C3orf22: variants seen among roughly 807,000 people sequenced by gnomAD.
The protein encoded by C3orf22 is chromosome 3 open reading frame 22.
C3orf22 carries 7 observed loss-of-function variants against 10.8 expected under a neutral mutation model. The ratio of observed to expected loss-of-function variants is 0.65; its 90% CI spans 0.37 to 1.22. The LOEUF (loss-of-function observed/expected upper bound fraction) is 1.22. Among genes scored for constraint, C3orf22 ranks in the 50% most tolerant of loss-of-function variants. The pLI, the probability that C3orf22 is intolerant of heterozygous loss-of-function variation, is 0.02. For missense variants in C3orf22, 173 were observed against 177.0 expected (o/e 0.98, Z 0.13); for synonymous variants, 79 against 78.9 (o/e 1.00, Z 0.00).
intron 2 of C3orf22, among the ~76,000 whole-genome samples, chr3:126,553,078 G>C (rs970340338): frequency 6.6e-6 from 1 of 152,212 alleles, no homozygotes; most frequent in African/African-American, 2.4e-5. Flanking sequence ...GCTCTGGGAT[G>C]ACCCAGGGAG....
intron 4 of C3orf22, chr3:126,542,779 C>A: frequency 2.9e-6 from 2 of 687,894 alleles, no homozygotes; most frequent in Non-Finnish European, 2.1e-6. Context: ...CGTGTGCCTG[C>A]CTCGGCCTGT....
intron 4 of C3orf22, among the ~76,000 whole-genome samples, chr3:126,541,547 C>A (rs951008386): frequency 2.6e-5 from 4 of 152,208 alleles, no homozygotes; most frequent in African/African-American, 9.6e-5. Context: ...TCCCAAATCT[C>A]GGCCCAGGAC....
downstream of C3orf22, among the ~76,000 whole-genome samples, chr3:126,544,979 T>G (rs1937042421): frequency 6.6e-6 from 1 of 152,248 alleles, no homozygotes; most frequent in South Asian, 2.1e-4. Flanking sequence ...GAACTCCACC[T>G]GCTCTGGCCT....
chr3:126,552,264 G>T, intron 2 of C3orf22, 142 bp from the exon 3 acceptor site: 1 of 1,330,008 alleles, frequency 7.5e-7, no homozygotes, highest in Non-Finnish European at 1.0e-6. Context: ...TGACAAGCAT[G>T]CTGTGAGGCA....
intron 1 of C3orf22, among the ~76,000 whole-genome samples, chr3:126,553,857 T>C (rs1295776635): frequency 6.6e-6 from 1 of 152,218 alleles, no homozygotes; most frequent in Non-Finnish European, 1.5e-5. Flanking sequence ...CTCCTGCTGC[T>C]GAGCACTGTT....
downstream of C3orf22, among the ~76,000 whole-genome samples, chr3:126,546,896 TC>T (rs1937078518): frequency 6.6e-6 from 1 of 152,220 alleles, no homozygotes; most frequent in Admixed American, 6.5e-5. Flanking sequence ...CAGAGCTGGT[TC>T]TGCGGGACTG....
intron 4 of C3orf22, among the ~76,000 whole-genome samples, chr3:126,531,856 A>G (rs532774046): frequency 6.6e-6 from 1 of 152,332 alleles, no homozygotes; most frequent in South Asian, 2.1e-4. Context: ...TGGTAATTCT[A>G]AGCTTAGCTT....
chr3:126,551,540 G>C (rs545140728), intron 3 of C3orf22, among the ~76,000 whole-genome samples: 2 of 152,320 alleles, frequency 1.3e-5, no homozygotes, highest in South Asian at 2.1e-4. Flanking sequence ...GGTGACAAGG[G>C]GGCATGAGAG....
chr3:126,529,737 G>T (rs899340498), intron 4 of C3orf22, among the ~76,000 whole-genome samples: 3 of 151,956 alleles, frequency 2.0e-5, no homozygotes, highest in African/African-American at 7.3e-5. Flanking sequence ...ATTGTTTTTG[G>T]CACTCCTCCC....
At chr3:126,556,633 G>C (rs1418619762) in intron 1 of C3orf22, among the ~76,000 whole-genome samples, 1 of 133,972 alleles carries the variant, frequency 7.5e-6, no homozygotes, top group Non-Finnish European at 1.6e-5. Flanking sequence ...TCGCCTCACT[G>C]ACTGCCGTTC....
chr3:126,549,260 C>G (rs11713344), downstream of C3orf22, among the ~76,000 whole-genome samples: 4 of 144,742 alleles, frequency 2.8e-5, no homozygotes, highest in African/African-American at 8.2e-5. Flanking sequence ...CGCCCCCCCC[C>G]CCACACACAC....
At chr3:126,534,422 C>T (rs2107566008) in intron 4 of C3orf22, among the ~76,000 whole-genome samples, 1 of 152,250 alleles carries the variant, frequency 6.6e-6, no homozygotes, top group South Asian at 2.1e-4. Flanking sequence ...GCATCCCTGT[C>T]CTCATCTGGG....
rs1216439297 is a variant in C3orf22 at position 126,553,380 on chromosome 3, C to A, written c.11G>T (p.Ser4Ile). 23 of 1,611,972 alleles carry A rather than the reference C, an allele frequency of 1.4e-5. No homozygotes were observed. Among genetic ancestry groups the A allele is most frequent in the Non-Finnish European group, 1.7e-5 (20 of 1,178,836 alleles). Residue 4 changes from serine to isoleucine, a missense_variant, in exon 2 of 4, where the codon AGT (serine) becomes ATT (isoleucine). By Grantham distance (142) the Ser-to-Ile change is moderately radical (BLOSUM62 -2). Transcript: ENST00000318225. MDS[S>I]ACKKSHQSKK... ...ACTCTGGTGAGACTTCTTGCAGGCA[C>A]TGGAGTCCATCACTGAGTGGGTTAA...
chr3:126,542,452 C>T (rs1327969367), intron 4 of C3orf22: 2 of 1,567,646 alleles, frequency 1.3e-6, no homozygotes, highest in African/African-American at 1.4e-5. Context: ...CCGCCGCCTC[C>T]CGCGACCTGG....
intron 4 of C3orf22, chr3:126,542,296 G>T: frequency 6.4e-7 from 1 of 1,564,466 alleles, no homozygotes; most frequent in African/African-American, 1.4e-5. Context: ...AGCACTGGGA[G>T]CGCGCGCACG....
At chr3:126,540,136 C>T (rs1051660264) in intron 4 of C3orf22, among the ~76,000 whole-genome samples, 1 of 151,958 alleles carries the variant, frequency 6.6e-6, no homozygotes, top group Non-Finnish European at 1.5e-5. Flanking sequence ...GGCGTCAGAC[C>T]CTCCCAAGCA....
Position 126,549,909 on chromosome 3 carries a change from G to A in C3orf22, c.385C>T (p.Gln129Ter). 1 of 1,614,036 alleles carries A rather than the reference G, an allele frequency of 6.2e-7. No homozygotes were observed. Among genetic ancestry groups the A allele is most frequent in the Non-Finnish European group, 8.5e-7 (1 of 1,180,012 alleles). ...GACAGCCCTGCCGCCTTGCTGGTCTGGGGGCAGGCAGCCTCAGTGTGCCGG... is the reference window on the plus strand; with the variant it reads ...GACAGCCCTGCCGCCTTGCTGGTCTAGGGGCAGGCAGCCTCAGTGTGCCGG... ...STRHTEAACP[Q>*]TSKAAGLSRG... The change falls in exon 4 of 4, where the codon CAG becomes TAG. Residue 129 changes from glutamine to a stop codon, truncating the protein, a stop_gained. Transcript: ENST00000318225. LOFTEE classifies it low-confidence loss of function (END_TRUNC).
At chr3:126,531,203 AC>A (rs904394091) in intron 4 of C3orf22, among the ~76,000 whole-genome samples, 1 of 152,054 alleles carries the variant, frequency 6.6e-6, no homozygotes, top group Non-Finnish European at 1.5e-5. Context: ...CTTGGGCCCC[AC>A]CCCCCAACCT....
rs1345916340 is a variant in C3orf22, at chr3:126,553,291, G to A, written c.89+11C>T. On this transcript the variant is annotated intron_variant, in intron 2 of 3. Transcript: ENST00000318225. ...GCAGGGCTTGTCTCCAGAGGTGTCA[G>A]CCTCCCGCACCTGTACGGAAACTTC... 6.2e-7 allele frequency: 1 copy of A among 1,600,622 alleles called. No homozygotes were observed. The highest frequency in any genetic ancestry group is 1.3e-5 in the African/African-American group (1 of 74,716).
Sources: allele counts gnomAD v4.1 joint callset (sites outside exome capture counted in the v4.1 genomes callset), GRCh38; gene constraint gnomAD v4.1.1; transcripts MANE v1.5; gene names NCBI Gene and HGNC (gene_info 2026-07-23, HGNC 2026-07-21).